The following CALHM4 variants were observed in gnomAD, a reference collection of about 807,000 sequenced individuals.
The protein encoded by CALHM4 is calcium homeostasis modulator protein 4.
Under a neutral mutation model 13.3 loss-of-function variants are expected in CALHM4, and 16 were observed. The ratio of observed to expected loss-of-function variants is 1.20; its 90% CI spans 0.81 to 1.82. The LOEUF is 1.82. Among genes scored for constraint, CALHM4 ranks in the 40% most tolerant of loss-of-function variants. CALHM4 has a pLI of 0.00. For missense variants in CALHM4, 344 were observed against 374.9 expected (o/e 0.92, Z 0.68); for synonymous variants, 127 against 137.1 (o/e 0.93, Z 0.52).
Position 116,560,650 on chromosome 6 carries a change from TGGGG to T in CALHM4, c.*2450_*2453del, listed in dbSNP as rs34461745. Among the ~76,000 whole-genome samples, 280 of 120,982 alleles carry T rather than the reference TGGGG, an allele frequency of 2.3e-3. 4 individuals carry two copies. Among genetic ancestry groups the T allele is most frequent in the Admixed American group, 4.8e-3 (58 of 12,184 alleles). 79.4% of individuals were successfully genotyped at this position (120,982 alleles called of 152,430 possible). On this transcript the variant is annotated 3_prime_UTR_variant, in exon 2 of 2. Coordinates refer to ENST00000368596, the MANE Select transcript of CALHM4 (RefSeq NM_001366078.2). Reference sequence around the variant, plus strand: ...CAAATAAATGGAATTTTTAGTATTTTGGGGGGGGGGGGGGCTATGGTCTATAGCA... The same window carrying T: ...CAAATAAATGGAATTTTTAGTATTTTGGGGGGGGGGCTATGGTCTATAGCA...
At chr6:116,536,557 C>T (rs1245187679) in intron 1 of CALHM4, among the ~76,000 whole-genome samples, 1 of 152,178 alleles carries the variant, frequency 6.6e-6, no homozygotes, top group Non-Finnish European at 1.5e-5. Context: ...AGGGAGGGAT[C>T]ACTTCTCCTG....
chr6:116,545,706 G>A, intron 2 of CALHM4: 1 of 423,202 alleles, frequency 2.4e-6, no homozygotes. Flanking sequence ...TGAACAACAG[G>A]ATTGTCTTAT....
intron 1 of CALHM4, among the ~76,000 whole-genome samples, chr6:116,529,416 A>G (rs1456526416): frequency 1.3e-5 from 2 of 152,236 alleles, no homozygotes; most frequent in Non-Finnish European, 2.9e-5. Context: ...TGGCTGTCTA[A>G]TGGAAGGGAA....
chr6:116,555,417 G>A lies in CALHM4; in HGVS notation c.558+1066G>A, dbSNP rs578100887. On this transcript the variant is annotated intron_variant, in intron 1 of 1. Coordinates refer to ENST00000368596, the MANE Select transcript of CALHM4 (RefSeq NM_001366078.2). ...GTCAAAACAAAATGTGTTATTAAAC[G>A]CATACACAGATTTCTGTGAAAAGAC... Among the ~76,000 whole-genome samples, 22 of 152,234 alleles carry A rather than the reference G, an allele frequency of 1.4e-4. No individual in the cohort carries two copies. The South Asian group carries it at 3.7e-3, about 26-fold the overall frequency.
chr6:116,554,063 G>A lies in CALHM4; in HGVS notation c.270G>A (p.Arg90=). Reference sequence around the variant, plus strand: ...GCTGCAGCTGTGCCCCTCCATACAGGAGAATCAGCCCCCTAGAGTGCAAGC... The same window carrying A: ...GCTGCAGCTGTGCCCCTCCATACAGAAGAATCAGCCCCCTAGAGTGCAAGC... ...EYCCSCAPPY[R]RISPLECKLA... The change falls in exon 1 of 2, where the codon AGG becomes AGA. Residue 90 remains arginine, a synonymous_variant. Transcript: ENST00000368596. The A allele has an allele frequency of 6.4e-7, 1 of 1,550,662 alleles. No individual in the cohort carries two copies. The highest frequency in any genetic ancestry group is 1.2e-5 in the South Asian group (1 of 84,054).
intron 1 of CALHM4, among the ~76,000 whole-genome samples, chr6:116,531,918 T>C (rs1772752571): frequency 6.6e-6 from 1 of 150,584 alleles, no homozygotes; most frequent in African/African-American, 2.4e-5. Context: ...TAATAAACAA[T>C]AATGGAAAAA....
chr6:116,555,399 C>G (rs1402556105), intron 1 of CALHM4, among the ~76,000 whole-genome samples: 1 of 152,094 alleles, frequency 6.6e-6, no homozygotes, highest in South Asian at 2.1e-4. Flanking sequence ...AAAGTCAAAA[C>G]AAAATGTGTT....
chr6:116,556,756 A>G (rs1003074425), intron 1 of CALHM4, among the ~76,000 whole-genome samples: 1 of 152,188 alleles, frequency 6.6e-6, no homozygotes, highest in Non-Finnish European at 1.5e-5. Flanking sequence ...CAGCCATTTG[A>G]TTCAATCTTT....
At chr6:116,550,005 TATATATATATATATATATATACAC>T (rs1378993309), upstream of CALHM4, among the ~76,000 whole-genome samples, 17 of 134,106 alleles carry the variant, frequency 1.3e-4, 1 homozygote, top group African/African-American at 5.3e-4. Flanking sequence ...TATATATATA[TATATATATATATATATATATACAC>T]ACACACACAC....
At chr6:116,553,207 A>G (rs1309531438), upstream of CALHM4, among the ~76,000 whole-genome samples, 3 of 152,266 alleles carry the variant, frequency 2.0e-5, no homozygotes, top group Non-Finnish European at 4.4e-5. Flanking sequence ...TAAAATTTTT[A>G]TGCAAAGTTA....
At chr6:116,538,797 T>C (rs1227180274) in intron 1 of CALHM4, among the ~76,000 whole-genome samples, 6 of 151,812 alleles carry the variant, frequency 4.0e-5, no homozygotes, top group African/African-American at 1.5e-4. Context: ...AGTTGCATGA[T>C]CTTGACTCAC....
chr6:116,554,319 G>T lies in CALHM4; in HGVS notation c.526G>T (p.Glu176Ter). The change falls in exon 1 of 2, where the codon GAA becomes TAA. Residue 176 changes from glutamate to a stop codon, truncating the protein, a stop_gained. Transcript: ENST00000368596. LOFTEE classifies it low-confidence loss of function (END_TRUNC). ...TTCTGACGTGATCCTAGTAAGAGAT[G>T]AAATAGCTCTTCTGCACAGATACCA... ...APSDVILVRDEIALLHRYQSQ... is the reference protein window; with the variant it reads ...APSDVILVRD The T allele has an allele frequency of 1.9e-6, 3 of 1,548,300 alleles. No homozygotes were observed. The highest frequency in any genetic ancestry group is 2.6e-6 in the Non-Finnish European group (3 of 1,146,778).
Position 116,554,351 on chromosome 6 carries a change from G to C in CALHM4, c.558G>C (p.Gln186His), listed in dbSNP as rs753028649. ...EIALLHRYQSQMLGWILITLA... is the reference protein window; with the variant it reads ...EIALLHRYQSHMLGWILITLA... Reference sequence around the variant, plus strand: ...CTCTTCTGCACAGATACCAGTCACAGGTAAGTTTTTAGAATTTTTTTCCCT... The same window carrying C: ...CTCTTCTGCACAGATACCAGTCACACGTAAGTTTTTAGAATTTTTTTCCCT... Residue 186 changes from glutamine to histidine, a missense_variant and splice_region_variant, in exon 1 of 2, where the codon CAG becomes CAC. Physicochemically the swap from Gln to His is conservative, Grantham distance 24. Coordinates refer to ENST00000368596, the MANE Select transcript of CALHM4 (RefSeq NM_001366078.2). 5 of 1,521,378 alleles carry C rather than the reference G, an allele frequency of 3.3e-6. No homozygotes were observed. The South Asian group carries it at 4.9e-5, about 15-fold the overall frequency. 94.2% of individuals were successfully genotyped at this position (1,521,378 alleles called of 1,614,324 possible). A position where few individuals can be genotyped will look rare whatever the true frequency, so the allele number is the denominator to read the frequency against.
chr6:116,547,161 C>A (rs1215336138), intron 2 of CALHM4, among the ~76,000 whole-genome samples: 1 of 152,134 alleles, frequency 6.6e-6, no homozygotes, highest in African/African-American at 2.4e-5. Context: ...TATGTTAGAG[C>A]AAACTATTTT....
intron 1 of CALHM4, among the ~76,000 whole-genome samples, chr6:116,555,661 G>A (rs1774280374): frequency 6.6e-6 from 1 of 152,118 alleles, no homozygotes; most frequent in African/African-American, 2.4e-5. Flanking sequence ...CTAATAAACT[G>A]GATCAAGATA....
At chr6:116,546,142 TCAA>T (rs1223147810) in intron 2 of CALHM4, among the ~76,000 whole-genome samples, 4 of 152,198 alleles carry the variant, frequency 2.6e-5, no homozygotes, top group Non-Finnish European at 5.9e-5. Context: ...TTAGCAGCAA[TCAA>T]CAACATTAAG....
chr6:116,560,771 A>T lies in CALHM4; in HGVS notation c.*2560A>T, dbSNP rs1774558304. On this transcript the variant is annotated 3_prime_UTR_variant, in exon 2 of 2. Coordinates refer to ENST00000368596, the MANE Select transcript of CALHM4 (RefSeq NM_001366078.2). ...TGCTTAATGGATTTATGTAATTATAAAACATATAATTAAAGTCAATTATGT... is the reference window on the plus strand; with the variant it reads ...TGCTTAATGGATTTATGTAATTATATAACATATAATTAAAGTCAATTATGT... Among the ~76,000 whole-genome samples, 1 of 152,184 alleles carries T rather than the reference A, an allele frequency of 6.6e-6. No individual in the cohort carries two copies. Among genetic ancestry groups the T allele is most frequent in the South Asian group, 2.1e-4 (1 of 4,824 alleles).
upstream of CALHM4, among the ~76,000 whole-genome samples, chr6:116,551,032 G>A (rs181193131): frequency 1.3e-3 from 201 of 152,314 alleles, 1 homozygote; most frequent in African/African-American, 4.7e-3. Flanking sequence ...AGGCCAATCA[G>A]AATTGTTTAA....
intron 2 of CALHM4, among the ~76,000 whole-genome samples, chr6:116,544,151 A>AAGAGAGAGAGAGAGAGAGAGAGAGAGAG (rs141606346): frequency 7.5e-6 from 1 of 132,918 alleles, no homozygotes; most frequent in Non-Finnish European, 1.6e-5. Context: ...AAAGGTGAAG[A>AAGAGAGAGAGAGAGAGAGAGAGAGAGAG]AGAGAGAGAG....
Sources: gnomAD v4.1 joint callset for allele counts (sites outside exome capture counted in the v4.1 genomes callset) on GRCh38, gnomAD v4.1.1 for gene constraint, MANE v1.5 for transcripts, NCBI Gene and HGNC (gene_info 2026-07-23, HGNC 2026-07-21) for gene names.